PPP2R2C: variants seen among roughly 807,000 people sequenced by gnomAD.
The protein encoded by PPP2R2C is protein phosphatase 2 regulatory subunit Bgamma.
PPP2R2C carries 10 observed loss-of-function variants against 45.3 expected under a neutral mutation model. That is an observed-to-expected ratio of 0.22 (90% CI 0.14 to 0.37). The LOEUF (loss-of-function observed/expected upper bound fraction) is 0.37. Ranked by LOEUF, PPP2R2C falls within the 10% of genes least tolerant of loss-of-function variation. PPP2R2C has a pLI of 1.00. For missense variants in PPP2R2C, 308 were observed against 619.7 expected, an observed-to-expected ratio of 0.50 and a Z score of 5.34; for synonymous variants, 257 against 245.4, an observed-to-expected ratio of 1.05 and a Z score of -0.44.
chr4:6,379,468 C>T (rs1715609574), intron 2 of PPP2R2C, among the ~76,000 whole-genome samples: 1 of 152,212 alleles, frequency 6.6e-6, no homozygotes, highest in Non-Finnish European at 1.5e-5. Flanking sequence ...AGAAGTTCTC[C>T]AATATTTTTG....
At chr4:6,560,677 C>G (rs548026496) in intron 1 of PPP2R2C, among the ~76,000 whole-genome samples, 6 of 152,220 alleles carry the variant, frequency 3.9e-5, no homozygotes, top group African/African-American at 1.4e-4. Flanking sequence ...GAGCTGCACC[C>G]GCTTCACAAG....
At chr4:6,499,692 A>T (rs1352845804) in intron 2 of PPP2R2C, among the ~76,000 whole-genome samples, 1 of 151,612 alleles carries the variant, frequency 6.6e-6, no homozygotes, top group Non-Finnish European at 1.5e-5. Flanking sequence ...TCATTTCTGT[A>T]TATAAAAATT....
At chr4:6,411,178 C>T (rs775027839) in intron 1 of PPP2R2C, among the ~76,000 whole-genome samples, 2 of 152,200 alleles carry the variant, frequency 1.3e-5, no homozygotes, top group African/African-American at 2.4e-5. Flanking sequence ...GGCCCCTAAT[C>T]CCATTTTAAT....
intron 1 of PPP2R2C, among the ~76,000 whole-genome samples, chr4:6,558,387 G>T (rs376300348): frequency 6.6e-6 from 1 of 152,170 alleles, no homozygotes; most frequent in African/African-American, 2.4e-5. Context: ...CCCATGCAAG[G>T]TCAAGGAGAA....
intron 5 of PPP2R2C, among the ~76,000 whole-genome samples, chr4:6,367,252 G>T (rs534424140): frequency 6.6e-6 from 1 of 152,206 alleles, no homozygotes; most frequent in South Asian, 2.1e-4. Flanking sequence ...TCTTGATATG[G>T]TTACTAAAAG....
At chr4:6,556,327 C>A (rs1467728262) in intron 1 of PPP2R2C, among the ~76,000 whole-genome samples, 3 of 152,192 alleles carry the variant, frequency 2.0e-5, no homozygotes, top group Non-Finnish European at 4.4e-5. Context: ...TTCACTCTCT[C>A]TGTCTGTCTG....
intron 5 of PPP2R2C, among the ~76,000 whole-genome samples, chr4:6,355,983 ACT>A (rs1039590837): frequency 8.1e-5 from 9 of 110,808 alleles, no homozygotes; most frequent in Non-Finnish European, 1.3e-4. Flanking sequence ...ACAGAGTGAG[ACT>A]CTGCCTGGAA....
At chr4:6,504,793 C>G (rs73207895) in intron 2 of PPP2R2C, among the ~76,000 whole-genome samples, 18 of 152,222 alleles carry the variant, frequency 1.2e-4, no homozygotes, top group Non-Finnish European at 2.4e-4. Flanking sequence ...ATAACCCAGC[C>G]TCAGGAACCT....
At chr4:6,443,436 G>A (rs1474263341) in intron 1 of PPP2R2C, among the ~76,000 whole-genome samples, 1 of 152,236 alleles carries the variant, frequency 6.6e-6, no homozygotes, top group African/African-American at 2.4e-5. Flanking sequence ...CAAGGCCGCA[G>A]AGGGACCTGG....
chr4:6,430,594 C>A (rs1291783399), intron 1 of PPP2R2C, among the ~76,000 whole-genome samples: 1 of 152,136 alleles, frequency 6.6e-6, no homozygotes, highest in Non-Finnish European at 1.5e-5. Context: ...CAGAATCAGG[C>A]CAACTTTGTA....
intron 6 of PPP2R2C, 73 bp from the exon 7 acceptor site, chr4:6,333,804 G>A (rs533249428): frequency 6.6e-7 from 1 of 1,522,388 alleles, no homozygotes. Context: ...GGATGACTCT[G>A]TTTTGCACCT....
chr4:6,492,308 C>A (rs1011155381), intron 2 of PPP2R2C, among the ~76,000 whole-genome samples: 6 of 152,238 alleles, frequency 3.9e-5, no homozygotes, highest in African/African-American at 1.4e-4. Context: ...TGGACTCCAA[C>A]AGGGTCAGCC....
chr4:6,397,535 G>C (rs1327023888), intron 1 of PPP2R2C, among the ~76,000 whole-genome samples: 1 of 151,260 alleles, frequency 6.6e-6, no homozygotes, highest in African/African-American at 2.4e-5. Context: ...CCTCATGCAA[G>C]AGCCTCTTGC....
chr4:6,556,218 T>C (rs1186427905), intron 1 of PPP2R2C, among the ~76,000 whole-genome samples: 1 of 152,092 alleles, frequency 6.6e-6, no homozygotes, highest in Non-Finnish European at 1.5e-5. Context: ...CCAGTAGAGA[T>C]GAGCATTTGA....
intron 1 of PPP2R2C, among the ~76,000 whole-genome samples, chr4:6,538,361 A>T (rs1456124636): frequency 6.6e-6 from 1 of 152,082 alleles, no homozygotes; most frequent in Non-Finnish European, 1.5e-5. Flanking sequence ...CCCGCCGCCC[A>T]TCTGCCAAGT....
chr4:6,470,121 G>C (rs1005830352), intron 1 of PPP2R2C, among the ~76,000 whole-genome samples: 3 of 152,196 alleles, frequency 2.0e-5, no homozygotes, highest in Admixed American at 6.5e-5. Flanking sequence ...TCCAGACCCT[G>C]TAGGCAGGAT....
intron 1 of PPP2R2C, among the ~76,000 whole-genome samples, chr4:6,406,352 G>A (rs1367528008): frequency 6.6e-6 from 1 of 152,204 alleles, no homozygotes; most frequent in Non-Finnish European, 1.5e-5. Flanking sequence ...AAAATAAAGT[G>A]CTGATTTGTC....
chr4:6,426,576 A>G (rs1279197771), intron 1 of PPP2R2C, among the ~76,000 whole-genome samples: 1 of 152,194 alleles, frequency 6.6e-6, no homozygotes, highest in African/African-American at 2.4e-5. Flanking sequence ...CTTGTATTTC[A>G]GACACAAGCA....
intron 1 of PPP2R2C, among the ~76,000 whole-genome samples, chr4:6,395,842 A>C (rs1170047139): frequency 1.3e-5 from 2 of 152,090 alleles, no homozygotes; most frequent in African/African-American, 4.8e-5. Context: ...GTAGCCCCCC[A>C]GCTGCAGGCC....
Sources: gnomAD v4.1 joint callset for allele counts (sites outside exome capture counted in the v4.1 genomes callset) on GRCh38, gnomAD v4.1.1 for gene constraint, MANE v1.5 for transcripts, NCBI Gene and HGNC (gene_info 2026-07-23, HGNC 2026-07-21) for gene names.